SLC12A8: variants seen among roughly 807,000 people sequenced by gnomAD.
SLC12A8 encodes cation-chloride cotransporter 9.
In SLC12A8, 69 loss-of-function variants were observed where a neutral mutation model predicts 75.6. The ratio of observed to expected loss-of-function variants is 0.91; its 90% confidence interval spans 0.75 to 1.11. SLC12A8 has a LOEUF of 1.11. SLC12A8 is among the 50% of genes most tolerant of loss of function. The pLI, the probability that SLC12A8 is intolerant of heterozygous loss-of-function variation, is 0.00. For missense variants in SLC12A8, 877 were observed against 896.7 expected (o/e 0.98, Z 0.28); for synonymous variants, 365 against 372.8 (o/e 0.98, Z 0.24).
intron 2 of SLC12A8, among the ~76,000 whole-genome samples, chr3:125,204,935 C>T (rs1935197939): frequency 6.6e-6 from 1 of 152,178 alleles, no homozygotes; most frequent in African/African-American, 2.4e-5. Context: ...AGTCAATTCT[C>T]AGAGAGAGCA....
intron 6 of SLC12A8, among the ~76,000 whole-genome samples, chr3:125,130,547 A>G (rs554406935): frequency 5.3e-5 from 8 of 151,984 alleles, no homozygotes; most frequent in African/African-American, 1.7e-4. Flanking sequence ...AGCTGAGATC[A>G]CACCACTGCA....
At chr3:125,177,652 G>A (rs1366327521) in intron 5 of SLC12A8, 91 bp downstream of exon 5, 6 of 887,286 alleles carry the variant, frequency 6.8e-6, no homozygotes, top group South Asian at 1.6e-5. Context: ...ATGGGGGTTA[G>A]GGGGAGATGG....
chr3:125,142,114 G>T (rs1487094353), intron 5 of SLC12A8, among the ~76,000 whole-genome samples: 1 of 152,230 alleles, frequency 6.6e-6, no homozygotes, highest in East Asian at 1.9e-4. Flanking sequence ...CTCGCCAGAC[G>T]CGGCCTCACG....
At chr3:125,152,295 T>G (rs1326104489) in intron 5 of SLC12A8, among the ~76,000 whole-genome samples, 1 of 152,240 alleles carries the variant, frequency 6.6e-6, no homozygotes. Flanking sequence ...CTTGATTACT[T>G]CAGGAGCTTC....
rs1325311045 is a variant in SLC12A8 at position 125,211,377 on chromosome 3, C to T, written c.-28G>A. On this transcript the variant is annotated 5_prime_UTR_variant, in exon 2 of 14. Transcript: ENST00000469902. ...TCCAGCAAGCAGGGATCCTGGTGAT[C>T]TGGACAGGGAGACTGCTCTGGAAGG... is the stretch of plus-strand genomic sequence containing the variant. The T allele has an allele frequency of 1.2e-6, 2 of 1,604,868 alleles. No homozygotes were observed. The highest frequency in any genetic ancestry group is 1.7e-5 in the Admixed American group (1 of 60,018).
rs747656831 is a variant in SLC12A8 at position 125,107,826 on chromosome 3, T to C, written c.1360A>G (p.Thr454Ala). 1.2e-6 allele frequency: 2 copies of C among 1,614,160 alleles called. No individual in the cohort carries two copies. Among genetic ancestry groups the C allele is most frequent in the Non-Finnish European group, 1.7e-6 (2 of 1,180,022 alleles). ...EGPAQRVLEGTLLEFTKDMDQ... is the reference protein window; with the variant it reads ...EGPAQRVLEGALLEFTKDMDQ... ...ATGTCCTTGGTGAATTCCAGTAGCG[T>C]GCCCTCCAAGACTCTTTGGGCAGGT... Residue 454 changes from threonine to alanine, a missense_variant, in exon 10 of 14, where the codon ACG (threonine) becomes GCG (alanine). Physicochemically the swap from Thr to Ala is moderately conservative, Grantham distance 58 (BLOSUM62 0). Coordinates refer to ENST00000469902, the MANE Select transcript of SLC12A8 (RefSeq NM_024628.6).
At chr3:125,107,057 T>A (rs1266224193) in intron 10 of SLC12A8, among the ~76,000 whole-genome samples, 1 of 152,200 alleles carries the variant, frequency 6.6e-6, no homozygotes, top group African/African-American at 2.4e-5. Flanking sequence ...CTTCTGTCCA[T>A]CCCCTCTTGC....
intron 4 of SLC12A8, among the ~76,000 whole-genome samples, chr3:125,182,663 C>T (rs1934690628): frequency 9.7e-6 from 1 of 102,608 alleles, no homozygotes. Context: ...TGCATCACCA[C>T]GCCTGGTTAA....
At chr3:125,088,512 C>A in intron 12 of SLC12A8, 142 bp from the exon 13 acceptor site, 1 of 680,898 alleles carries the variant, frequency 1.5e-6, no homozygotes. Context: ...TCAGTCTAAA[C>A]AAATAATTTT....
At chr3:125,133,037 C>T (rs1211208864) in intron 6 of SLC12A8, among the ~76,000 whole-genome samples, 2 of 152,124 alleles carry the variant, frequency 1.3e-5, no homozygotes, top group African/African-American at 4.8e-5. Flanking sequence ...GTGAAAGAGC[C>T]ATGTCATTGC....
At chr3:125,084,083 G>A in intron 13 of SLC12A8, 31 bp from the exon 14 acceptor site, 1 of 1,593,082 alleles carries the variant, frequency 6.3e-7, no homozygotes, top group Non-Finnish European at 8.6e-7. Context: ...AGGATGGTGA[G>A]AAGGACAGAA....
chr3:125,203,944 A>C (rs1935178323), intron 2 of SLC12A8, among the ~76,000 whole-genome samples: 1 of 152,224 alleles, frequency 6.6e-6, no homozygotes. Context: ...GACATTCCTC[A>C]AAAGAAGACA....
Position 125,110,398 on chromosome 3 carries a change from C to A in SLC12A8, c.913-63G>T, listed in dbSNP as rs1033647793. ...CTGCTCCTGTGCCTTTCTACCCCCC[C>A]AGCACCCACCCACCTGCACCCCATG... On this transcript the variant is annotated intron_variant, in intron 8 of 13. Transcript: ENST00000469902. 2.5e-5 allele frequency: 39 copies of A among 1,542,940 alleles called. No individual in the cohort carries two copies. The Admixed American group carries it at 3.0e-4, about 12-fold the overall frequency.
At chr3:125,153,803 C>T (rs764954172) in intron 5 of SLC12A8, among the ~76,000 whole-genome samples, 36 of 152,098 alleles carry the variant, frequency 2.4e-4, no homozygotes, top group Admixed American at 3.9e-4. Flanking sequence ...GCCTATGTGA[C>T]GAGACAATGT....
chr3:125,198,780 A>AT (rs111474323), intron 2 of SLC12A8, among the ~76,000 whole-genome samples: 2,215 of 141,812 alleles, frequency 0.016, 51 homozygotes, highest in African/African-American at 0.05. Context: ...AGACAATAGG[A>AT]TTTTTTTTTT....
intron 7 of SLC12A8, among the ~76,000 whole-genome samples, chr3:125,120,088 A>C (rs896396013): frequency 1.3e-5 from 2 of 152,152 alleles, no homozygotes; most frequent in Admixed American, 6.5e-5. Context: ...TCCCCGCCGC[A>C]ATCTAGGAAG....
chr3:125,181,584 G>C (rs572188595), intron 4 of SLC12A8, among the ~76,000 whole-genome samples: 50 of 141,182 alleles, frequency 3.5e-4, no homozygotes, highest in African/African-American at 1.2e-3. Flanking sequence ...GTCCGGCCTG[G>C]GCGACAGAGC....
At chr3:125,148,525 G>A (rs977681045) in intron 5 of SLC12A8, among the ~76,000 whole-genome samples, 1 of 151,886 alleles carries the variant, frequency 6.6e-6, no homozygotes, top group Non-Finnish European at 1.5e-5. Flanking sequence ...GGGCCCACGT[G>A]GGTCCTTTGT....
rs1938361714 is a variant in SLC12A8, at chr3:125,082,851, G to A, written c.*1039C>T. Reference sequence around the variant, plus strand: ...TCCAAATGCTCATCATTGTGGAACTGGCGAAATAAATTATAACACATTTAT... The same window carrying A: ...TCCAAATGCTCATCATTGTGGAACTAGCGAAATAAATTATAACACATTTAT... On this transcript the variant is annotated 3_prime_UTR_variant, in exon 14 of 14. Transcript: ENST00000469902. 6.6e-6 allele frequency: 1 copy of A among 152,110 alleles called. No individual in the cohort carries two copies. Among genetic ancestry groups the A allele is most frequent in the East Asian group, 1.9e-4 (1 of 5,200 alleles). The allele number at this position is 152,110 out of a possible 1,614,324, so 9.4% of individuals were successfully genotyped here. A position where few individuals can be genotyped will look rare whatever the true frequency, so the allele number is the denominator to read the frequency against.
Sources: gnomAD v4.1 joint callset for allele counts (sites outside exome capture counted in the v4.1 genomes callset) on GRCh38, gnomAD v4.1.1 for gene constraint, MANE v1.5 for transcripts, NCBI Gene and HGNC (gene_info 2026-07-23, HGNC 2026-07-21) for gene names.